Variants in LUZP2 observed in about 807,000 individuals in gnomAD.
LUZP2 encodes leucine zipper protein 2.
A neutral mutation model predicts 51.6 loss-of-function variants in LUZP2; 52 were observed. The ratio of observed to expected loss-of-function variants is 1.01; its 90% confidence interval spans 0.81 to 1.27. The LOEUF (loss-of-function observed/expected upper bound fraction) is 1.27, where lower values mean the gene tolerates loss of function less well. Ranked by LOEUF, LUZP2 falls within the 50% of genes most tolerant of loss-of-function variation. The pLI, the probability that LUZP2 is intolerant of heterozygous loss-of-function variation, is 0.00. For synonymous variants in LUZP2, 154 were observed against 137.3 expected, an observed-to-expected ratio of 1.12 and a Z score of -0.85; for missense variants, 436 against 395.4, an observed-to-expected ratio of 1.10 and a Z score of -0.87.
At chr11:24,586,031 C>A (rs534244656) in intron 1 of LUZP2, among the ~76,000 whole-genome samples, 2 of 152,208 alleles carry the variant, frequency 1.3e-5, no homozygotes, top group African/African-American at 4.8e-5. Context: ...CAATATGCCT[C>A]TCAATCCAAC....
intron 10 of LUZP2, among the ~76,000 whole-genome samples, chr11:25,065,921 TAACAA>T (rs1858985356): frequency 6.6e-6 from 1 of 152,042 alleles, no homozygotes; most frequent in Non-Finnish European, 1.5e-5. Flanking sequence ...CTTATTTGTT[TAACAA>T]AACAGTCTCC....
chr11:24,628,548 C>G (rs1854763872), intron 1 of LUZP2, among the ~76,000 whole-genome samples: 1 of 151,854 alleles, frequency 6.6e-6, no homozygotes, highest in Admixed American at 6.6e-5. Flanking sequence ...ACTGCCTGGT[C>G]CTTTATTTTA....
intron 1 of LUZP2, among the ~76,000 whole-genome samples, chr11:24,604,647 T>C (rs1217706718): frequency 6.6e-6 from 1 of 151,836 alleles, no homozygotes; most frequent in Non-Finnish European, 1.5e-5. Flanking sequence ...AGCTCTGTCA[T>C]TTACCATTTG....
Position 24,678,085 on chromosome 11 carries a change from G to T in LUZP2, c.63-51084G>T, listed in dbSNP as rs540299376. 7.0e-4 allele frequency among the ~76,000 whole-genome samples: 92 copies of T among 132,356 alleles called. 1 individual carries two copies. The South Asian group carries it at 0.021, about 31-fold the overall frequency. The allele number at this position is 132,356 out of a possible 152,430, so 86.8% of individuals were successfully genotyped here. A position where few individuals can be genotyped will look rare whatever the true frequency, so the allele number is the denominator to read the frequency against. On this transcript the variant is annotated intron_variant, in intron 1 of 11. Coordinates refer to ENST00000336930, the MANE Select transcript of LUZP2 (RefSeq NM_001009909.4). ...GGGAGGAAAGGAGAAAGGGGGGGGG[G>T]GGTGATTACTACGTAGCTATGTGTA...
At chr11:24,656,437 T>C (rs757654034) in intron 1 of LUZP2, among the ~76,000 whole-genome samples, 4 of 152,198 alleles carry the variant, frequency 2.6e-5, no homozygotes, top group Non-Finnish European at 4.4e-5. Flanking sequence ...CGGTTTTCTA[T>C]TGCTTCTGTA....
intron 1 of LUZP2, among the ~76,000 whole-genome samples, chr11:24,707,130 T>A (rs901152627): frequency 1.3e-5 from 2 of 152,184 alleles, no homozygotes; most frequent in African/African-American, 4.8e-5. Flanking sequence ...CCTTTGATTT[T>A]TATATTTGAA....
In LUZP2 at chr11:24,926,494, T is replaced by G. The variant is rs1260784730; in HGVS notation, c.522+11956T>G. 2.1e-5 allele frequency among the ~76,000 whole-genome samples: 2 copies of G among 96,006 alleles called. 1 individual carries two copies. The highest frequency in any genetic ancestry group is 8.1e-5 in the African/African-American group (2 of 24,618). The allele number at this position is 96,006 out of a possible 152,430, so 63.0% of individuals were successfully genotyped here. ...GTATATATGTGTGTGTATATATATGTGTATATATGTGTGTGTATATACGTG... is the reference window on the plus strand; with the variant it reads ...GTATATATGTGTGTGTATATATATGGGTATATATGTGTGTGTATATACGTG... On this transcript the variant is annotated intron_variant, in intron 7 of 11. Coordinates refer to ENST00000336930, the MANE Select transcript of LUZP2 (RefSeq NM_001009909.4).
intron 1 of LUZP2, among the ~76,000 whole-genome samples, chr11:24,594,954 G>A (rs1265933914): frequency 1.3e-5 from 2 of 151,362 alleles, no homozygotes. Flanking sequence ...TAGAGGCGGG[G>A]TTTCACCATA....
chr11:25,070,582 G>A (rs1353682681), intron 10 of LUZP2, among the ~76,000 whole-genome samples: 4 of 151,946 alleles, frequency 2.6e-5, no homozygotes, highest in Admixed American at 2.6e-4. Flanking sequence ...GAAACATGGG[G>A]AGCATCTTAG....
intron 9 of LUZP2, among the ~76,000 whole-genome samples, chr11:25,010,685 C>CTA (rs35135058): frequency 0.39 from 58,831 of 151,640 alleles, 13,946 homozygotes; most frequent in East Asian, 0.87. Flanking sequence ...CCCATCTCTA[C>CTA]AAAATACAAA....
intron 7 of LUZP2, among the ~76,000 whole-genome samples, chr11:24,951,454 A>C (rs1439171391): frequency 6.6e-6 from 1 of 151,494 alleles, no homozygotes. Flanking sequence ...CTTTTAAGTT[A>C]TATTTTACGA....
chr11:24,658,463 A>T (rs1250903297), intron 1 of LUZP2, among the ~76,000 whole-genome samples: 17 of 152,352 alleles, frequency 1.1e-4, no homozygotes, highest in African/African-American at 4.1e-4. Context: ...ACCTAAAACC[A>T]TAAAAACCCT....
intron 1 of LUZP2, among the ~76,000 whole-genome samples, chr11:24,555,553 T>C (rs1004259571): frequency 2.6e-5 from 4 of 152,220 alleles, no homozygotes; most frequent in African/African-American, 9.6e-5. Context: ...CTAACTGTCA[T>C]GGACTAGTTT....
chr11:24,582,510 C>G (rs12360940), intron 1 of LUZP2, among the ~76,000 whole-genome samples: 26,245 of 151,926 alleles, frequency 0.17, 2,730 homozygotes, highest in Middle Eastern at 0.34. Context: ...ATATCTTCTA[C>G]TTTCTCAACT....
chr11:24,661,714 A>T (rs1856027279), intron 1 of LUZP2, among the ~76,000 whole-genome samples: 1 of 152,198 alleles, frequency 6.6e-6, no homozygotes, highest in Non-Finnish European at 1.5e-5. Context: ...TTTGGGATTT[A>T]GCCATAACAT....
intron 1 of LUZP2, among the ~76,000 whole-genome samples, chr11:24,713,576 C>T (rs1215913867): frequency 1.3e-5 from 2 of 151,698 alleles, no homozygotes; most frequent in African/African-American, 2.4e-5. Context: ...CACGGTGGCT[C>T]ACCCTGCAAT....
At chr11:24,620,191 G>A (rs1280125772) in intron 1 of LUZP2, among the ~76,000 whole-genome samples, 1 of 152,082 alleles carries the variant, frequency 6.6e-6, no homozygotes, top group Non-Finnish European at 1.5e-5. Flanking sequence ...TTTTTAAGAT[G>A]AGAATTTCAT....
intron 1 of LUZP2, among the ~76,000 whole-genome samples, chr11:24,725,774 A>G (rs1030813839): frequency 1.3e-5 from 2 of 152,178 alleles, no homozygotes; most frequent in Non-Finnish European, 2.9e-5. Context: ...ATTAGATGTA[A>G]CTTCATTTGG....
intron 7 of LUZP2, among the ~76,000 whole-genome samples, chr11:24,971,228 A>C (rs1307361959): frequency 6.6e-6 from 1 of 152,004 alleles, no homozygotes; most frequent in Non-Finnish European, 1.5e-5. Context: ...GGGGTCGGGG[A>C]GGGGTTTCAT....
Sources: allele counts gnomAD v4.1 joint callset (sites outside exome capture counted in the v4.1 genomes callset), GRCh38; gene constraint gnomAD v4.1.1; transcripts MANE v1.5; gene names NCBI Gene and HGNC (gene_info 2026-07-23, HGNC 2026-07-21).